The following FREM3 variants were observed in gnomAD, a reference collection of about 807,000 sequenced individuals.
The protein encoded by FREM3 is FRAS1 related extracellular matrix 3, also known as FRAS1-related extracellular matrix protein 3.
A neutral mutation model predicts 129.1 loss-of-function variants in FREM3; 105 were observed. The ratio of observed to expected loss-of-function variants is 0.81; its 90% CI spans 0.69 to 0.96. FREM3 has a LOEUF of 0.96. Among genes scored for constraint, FREM3 ranks in the 40% least tolerant of loss-of-function variants. The pLI, the probability that FREM3 is intolerant of heterozygous loss-of-function variation, is 0.00. For synonymous variants in FREM3, 1,014 were observed against 1,044.9 expected, an observed-to-expected ratio of 0.97 and a Z score of 0.57; for missense variants, 2,593 against 2,666.3, an observed-to-expected ratio of 0.97 and a Z score of 0.61.
intron 2 of FREM3, among the ~76,000 whole-genome samples, chr4:143,634,748 C>T (rs571113193): frequency 1.8e-4 from 28 of 151,918 alleles, no homozygotes; most frequent in Non-Finnish European, 3.5e-4. Flanking sequence ...AAGACGAAGG[C>T]TCGTTGTGTG....
chr4:143,644,241 G>A (rs149622339), intron 2 of FREM3, among the ~76,000 whole-genome samples: 72 of 151,858 alleles, frequency 4.7e-4, no homozygotes, highest in Non-Finnish European at 8.8e-4. Flanking sequence ...TCCCAGGGCC[G>A]CTTTCTGTTT....
At chr4:143,659,054 C>T (rs948659887) in intron 2 of FREM3, among the ~76,000 whole-genome samples, 4 of 147,860 alleles carry the variant, frequency 2.7e-5, no homozygotes, top group African/African-American at 9.9e-5. Context: ...TTATGTGCCC[C>T]CACTTGAATT....
At chr4:143,653,226 T>TGGGGGTCTC (rs1739543364) in intron 2 of FREM3, among the ~76,000 whole-genome samples, 1 of 152,196 alleles carries the variant, frequency 6.6e-6, no homozygotes, top group Non-Finnish European at 1.5e-5. Context: ...GAGCCCCTGC[T>TGGGGGTCTC]GGGGGTCTCA....
At chr4:143,605,414 A>G (rs1044029360) in intron 6 of FREM3, among the ~76,000 whole-genome samples, 1 of 152,106 alleles carries the variant, frequency 6.6e-6, no homozygotes, top group Admixed American at 6.5e-5. Flanking sequence ...AGCTCATCTT[A>G]CTAACTTTAT....
At chr4:143,693,806 G>A (rs1351801154) in intron 1 of FREM3, among the ~76,000 whole-genome samples, 1 of 152,044 alleles carries the variant, frequency 6.6e-6, no homozygotes, top group Non-Finnish European at 1.5e-5. Flanking sequence ...TCTTCTTCTC[G>A]TTGTTGTTTT....
At position 143,693,205 on chromosome 4, in the gene FREM3, A is replaced by C; in HGVS notation, c.5186-3T>G. Reference sequence around the variant, plus strand: ...TATCTTCATCTCATCAATGTCAGCTAAAAAAAAAGCAACCATCACACAAAG... The same window carrying C: ...TATCTTCATCTCATCAATGTCAGCTCAAAAAAAAGCAACCATCACACAAAG... On this transcript the variant is annotated splice_polypyrimidine_tract_variant and splice_region_variant and intron_variant, in intron 1 of 7. Transcript: ENST00000329798. 1 of 1,266,606 alleles carries C rather than the reference A, an allele frequency of 7.9e-7. No homozygotes were observed. The allele number at this position is 1,266,606 out of a possible 1,614,324, so 78.5% of individuals were successfully genotyped here.
Position 143,696,841 on chromosome 4 carries a change from TG to T in FREM3, c.3834del (p.Asp1278GlufsTer7). ...YEHDDSETKE[D>X]SFEVWLSDGK... ...CCGTCACTCAGCCAGACCTCAAAAC[TG>T]TCCTCTTTTGTCTCTGAGTCATCAT... On this transcript the variant is annotated frameshift_variant, in exon 1 of 8. Transcript: ENST00000329798. LOFTEE classifies it high-confidence loss of function. 6.5e-7 allele frequency: 1 copy of T among 1,537,698 alleles called. No homozygotes were observed. Among genetic ancestry groups the T allele is most frequent in the Non-Finnish European group, 8.7e-7 (1 of 1,147,002 alleles).
chr4:143,612,496 T>C (rs775676038), intron 5 of FREM3, among the ~76,000 whole-genome samples: 24 of 152,372 alleles, frequency 1.6e-4, no homozygotes, highest in Middle Eastern at 3.4e-3. Context: ...TTCTAGTTCT[T>C]GGCAATTGTG....
Position 143,699,153 on chromosome 4 carries a change from T to C in FREM3, c.1523A>G (p.Asp508Gly). The C allele has an allele frequency of 6.5e-7, 1 of 1,537,392 alleles. No homozygotes were observed. Among genetic ancestry groups the C allele is most frequent in the Non-Finnish European group, 8.7e-7 (1 of 1,146,944 alleles). The change falls in exon 1 of 8, where the codon GAT (aspartate) becomes GGT (glycine). Residue 508 changes from aspartate (D) to glycine (G), a missense_variant. Physicochemically the swap from Asp to Gly is moderately conservative, Grantham distance 94 (BLOSUM62 -1). This residue lies in a region of FREM3 where 2,276 missense variants were observed against 2,267.2 expected (regional missense o/e 1.00). Transcript: ENST00000329798. The surrounding 1 kb of genome is among the most constrained non-coding windows in gnomAD (Gnocchi z 4.2). ...ATTGTCACTGTAGGTGTTGCTGCCA[T>C]CATGCTGATACACCACTCGCCCTGC... ...LAAGRVVYQH[D>G]GSNTYSDNII...
In FREM3 at chr4:143,611,336, G is replaced by A. The variant is rs1345426853; in HGVS notation, c.5971C>T (p.Gln1991Ter). 6.5e-7 allele frequency: 1 copy of A among 1,536,864 alleles called. No individual in the cohort carries two copies. The highest frequency in any genetic ancestry group is 2.4e-5 in the East Asian group (1 of 40,902). Reference protein sequence around the residue: ...SVSLRLPVGGQLGARFPTTKV... With the variant: ...SVSLRLPVGG ...GTGGTGGGGAATCTGGCTCCCAGCT[G>A]TCCTCCCACTGGCAGCCTAAGTGAA... The change falls in exon 6 of 8, where the codon CAG becomes TAG. Residue 1991 changes from glutamine to a stop codon, truncating the protein, a stop_gained. Coordinates refer to ENST00000329798, the MANE Select transcript of FREM3 (RefSeq NM_001168235.2). LOFTEE classifies it high-confidence loss of function.
intron 2 of FREM3, among the ~76,000 whole-genome samples, chr4:143,677,700 A>C (rs1245132311): frequency 6.6e-6 from 1 of 152,200 alleles, no homozygotes; most frequent in Admixed American, 6.5e-5. Flanking sequence ...TTGACAAGAA[A>C]ACAACAACCC....
At chr4:143,675,943 G>A (rs968869928) in intron 2 of FREM3, among the ~76,000 whole-genome samples, 8 of 152,222 alleles carry the variant, frequency 5.3e-5, no homozygotes, top group African/African-American at 1.9e-4. Flanking sequence ...TGGATTCACA[G>A]CCGAATTCTA....
intron 5 of FREM3, among the ~76,000 whole-genome samples, chr4:143,613,670 C>T (rs1239231105): frequency 6.6e-6 from 1 of 152,186 alleles, no homozygotes; most frequent in Admixed American, 6.5e-5. Context: ...TTTTAAAGAG[C>T]CAGATGTTTA....
At chr4:143,662,734 C>T (rs1739760867) in intron 2 of FREM3, among the ~76,000 whole-genome samples, 1 of 151,952 alleles carries the variant, frequency 6.6e-6, no homozygotes, top group Admixed American at 6.6e-5. Context: ...CTTTATAGGT[C>T]ACTCAGGACT....
At chr4:143,679,892 C>A (rs546313468) in intron 2 of FREM3, among the ~76,000 whole-genome samples, 3 of 152,108 alleles carry the variant, frequency 2.0e-5, no homozygotes, top group Non-Finnish European at 4.4e-5. Flanking sequence ...TGAGATAAAT[C>A]GCCCTGATTC....
At chr4:143,595,440 T>C (rs1214168053) in intron 6 of FREM3, among the ~76,000 whole-genome samples, 2 of 152,220 alleles carry the variant, frequency 1.3e-5, no homozygotes, top group Non-Finnish European at 2.9e-5. Context: ...GAACATCTAT[T>C]GAGCATCCCC....
intron 2 of FREM3, among the ~76,000 whole-genome samples, chr4:143,663,134 A>C (rs1739772788): frequency 6.6e-6 from 1 of 152,024 alleles, no homozygotes; most frequent in Admixed American, 6.6e-5. Context: ...TTATGATGTT[A>C]GCTGGTTATT....
rs1437668210 is a variant in FREM3 at position 143,698,018 on chromosome 4, T to TC, written c.2657_2658insG (p.Gly887ArgfsTer8). The TC allele has an allele frequency of 2.6e-6, 4 of 1,537,262 alleles. No individual in the cohort carries two copies. In the African/African-American group the frequency reaches 5.5e-5, roughly 21 times the overall value. On this transcript the variant is annotated frameshift_variant, in exon 1 of 8. Transcript: ENST00000329798. LOFTEE classifies it high-confidence loss of function. ...CATCAGCTTGCATGAAAGATTCCCC[T>TC]GGGACCATACATCTTTTAAAGTACT...
At chr4:143,670,853 A>G (rs979138841) in intron 2 of FREM3, among the ~76,000 whole-genome samples, 2 of 152,114 alleles carry the variant, frequency 1.3e-5, no homozygotes. Context: ...TTCTATTTTT[A>G]TACATGGAAT....
Sources: allele counts gnomAD v4.1 joint callset (sites outside exome capture counted in the v4.1 genomes callset), GRCh38; gene constraint gnomAD v4.1.1; regional missense constraint gnomAD v4.1.1; non-coding constraint Gnocchi (gnomAD v3.1); transcripts MANE v1.5; gene names NCBI Gene and HGNC (gene_info 2026-07-23, HGNC 2026-07-21).